The following SRP72 variants were observed in gnomAD, a reference collection of about 807,000 sequenced individuals.
SRP72 encodes signal recognition particle 72.
In SRP72, 49 loss-of-function variants were observed where a neutral mutation model predicts 96.3. The ratio of observed to expected loss-of-function variants is 0.51; its 90% CI spans 0.40 to 0.65. SRP72 has a LOEUF of 0.65. Ranked by LOEUF, SRP72 falls within the 30% of genes least tolerant of loss-of-function variation. SRP72 has a pLI of 0.00. For synonymous variants in SRP72, 267 were observed against 275.2 expected (o/e 0.97, Z 0.30); for missense variants, 736 against 793.3 (o/e 0.93, Z 0.87).
intron 18 of SRP72, 65 bp from the exon 19 acceptor site, chr4:56,501,619 C>A: frequency 7.0e-7 from 1 of 1,423,526 alleles, no homozygotes; most frequent in Non-Finnish European, 9.7e-7. Context: ...AACCCATGTA[C>A]ATACATTTTT....
At chr4:56,482,769 A>G (rs1449435380) in intron 8 of SRP72, among the ~76,000 whole-genome samples, 1 of 152,134 alleles carries the variant, frequency 6.6e-6, no homozygotes, top group African/African-American at 2.4e-5. Flanking sequence ...TTTTCCTTCA[A>G]AAAGCTCAAA....
At chr4:56,478,292 T>G in intron 6 of SRP72, 87 bp from the exon 7 acceptor site, 1 of 1,356,432 alleles carries the variant, frequency 7.4e-7, no homozygotes, top group South Asian at 1.7e-5. Flanking sequence ...TCTTCAGGAT[T>G]GTATCTCTTT....
intron 15 of SRP72, 128 bp downstream of exon 15, chr4:56,490,773 AAC>A: frequency 1.3e-6 from 1 of 746,304 alleles, no homozygotes; most frequent in East Asian, 2.9e-5. Flanking sequence ...TAACTAGTAA[AAC>A]CAAAAAATGA....
chr4:56,485,400 C>CCAAAAAAA (rs766330733), intron 10 of SRP72, among the ~76,000 whole-genome samples: 1 of 92,408 alleles, frequency 1.1e-5, no homozygotes, highest in Non-Finnish European at 2.5e-5. Flanking sequence ...CTCCCCACAG[C>CCAAAAAAA]AAAAAAAAAA....
intron 3 of SRP72, among the ~76,000 whole-genome samples, chr4:56,473,800 T>A (rs1422459488): frequency 6.6e-6 from 1 of 152,024 alleles, no homozygotes; most frequent in African/African-American, 2.4e-5. Flanking sequence ...AGAAAATGAC[T>A]TTTCTCAACT....
rs774493521 is a variant in SRP72, at chr4:56,472,534, A to T, written c.354+691A>T. ...CTAATTTTTATATTTTTTAGTAGAGATGGGGTTATGCCATGTTGCCTAGGC... is the reference window on the plus strand; with the variant it reads ...CTAATTTTTATATTTTTTAGTAGAGTTGGGGTTATGCCATGTTGCCTAGGC... On this transcript the variant is annotated intron_variant, in intron 3 of 18. Transcript: ENST00000642900. Among the ~76,000 whole-genome samples the T allele has an allele frequency of 8.6e-5, 13 of 151,786 alleles. No individual in the cohort carries two copies. The South Asian group carries it at 1.7e-3, about 19-fold the overall frequency.
chr4:56,494,358 G>T (rs559448071), intron 16 of SRP72, among the ~76,000 whole-genome samples: 7 of 151,596 alleles, frequency 4.6e-5, no homozygotes, highest in African/African-American at 1.7e-4. Flanking sequence ...AGAATATATA[G>T]AGAGATGTAT....
rs1721328523 is a variant in SRP72 at position 56,503,241 on chromosome 4, GT to G, written c.*1381del. The G allele has an allele frequency of 6.6e-6, 1 of 152,112 alleles. No homozygotes were observed. Among genetic ancestry groups the G allele is most frequent in the Non-Finnish European group, 1.5e-5 (1 of 68,002 alleles). 9.4% of individuals were successfully genotyped at this position (152,112 alleles called of 1,614,324 possible). ...CTTTTTTAAATAAAAATTATGTATTGTGGCATAATCCTTTTTTTGAGCTCTA... is the reference window on the plus strand; with the variant it reads ...CTTTTTTAAATAAAAATTATGTATTGGGCATAATCCTTTTTTTGAGCTCTA... On this transcript the variant is annotated 3_prime_UTR_variant, in exon 19 of 19. Coordinates refer to ENST00000642900, the MANE Select transcript of SRP72 (RefSeq NM_006947.4).
intron 17 of SRP72, among the ~76,000 whole-genome samples, chr4:56,496,733 A>G (rs745900160): frequency 3.3e-5 from 5 of 152,168 alleles, no homozygotes; most frequent in Non-Finnish European, 5.9e-5. Context: ...CACGCCTGTA[A>G]TCCCAGCACT....
rs1363383570 is a variant in SRP72 at position 56,502,530 on chromosome 4, A to G, written c.*669A>G. On this transcript the variant is annotated 3_prime_UTR_variant, in exon 19 of 19. Transcript: ENST00000642900. ...ATATATATAAACATGAAATATATAT[A>G]TATGGCTCCTTTGTGCCCCATGTCA... The G allele has an allele frequency of 6.8e-6, 1 of 146,988 alleles. No individual in the cohort carries two copies. Among genetic ancestry groups the G allele is most frequent in the African/African-American group, 2.5e-5 (1 of 40,156 alleles). 9.1% of individuals were successfully genotyped at this position (146,988 alleles called of 1,614,324 possible).
chr4:56,484,703 T>G, intron 9 of SRP72, 33 bp from the exon 10 acceptor site: 1 of 1,610,554 alleles, frequency 6.2e-7, no homozygotes, highest in Non-Finnish European at 8.5e-7. Flanking sequence ...ATTAACCAGT[T>G]TATTTTTCTT....
chr4:56,488,795 AT>A (rs1382336102), intron 12 of SRP72, among the ~76,000 whole-genome samples: 1 of 151,802 alleles, frequency 6.6e-6, no homozygotes, highest in Non-Finnish European at 1.5e-5. Flanking sequence ...TTATTCATGT[AT>A]TTTTTTCTTT....
At chr4:56,467,972 T>C (rs1015460473) in intron 1 of SRP72, among the ~76,000 whole-genome samples, 20 of 152,214 alleles carry the variant, frequency 1.3e-4, no homozygotes, top group African/African-American at 4.6e-4. Flanking sequence ...CCACGTGTAC[T>C]TCTCTTTTTA....
At chr4:56,472,895 T>A (rs1720035395) in intron 3 of SRP72, among the ~76,000 whole-genome samples, 1 of 152,164 alleles carries the variant, frequency 6.6e-6, no homozygotes, top group Non-Finnish European at 1.5e-5. Context: ...GAGTGGCAGT[T>A]GTTGTTCTTT....
intron 17 of SRP72, among the ~76,000 whole-genome samples, chr4:56,498,595 G>C (rs1201757433): frequency 6.6e-6 from 1 of 152,150 alleles, no homozygotes; most frequent in Non-Finnish European, 1.5e-5. Context: ...AAATCAATGT[G>C]CAAAAATCAC....
At chr4:56,484,051 T>TTTTTTTTTTTTTTTTTC (rs1560682047) in intron 9 of SRP72, among the ~76,000 whole-genome samples, 51 of 142,792 alleles carry the variant, frequency 3.6e-4, no homozygotes, top group African/African-American at 1.3e-3. Context: ...TTTTTTTTTT[T>TTTTTTTTTTTTTTTTTC]GAGATGGAGT....
intron 12 of SRP72, 122 bp downstream of exon 12, chr4:56,488,135 A>G (rs369524966): frequency 1.3e-4 from 80 of 623,230 alleles, no homozygotes; most frequent in East Asian, 1.0e-3. Flanking sequence ...AGTAATTATA[A>G]TAGTAATAGT....
intron 16 of SRP72, among the ~76,000 whole-genome samples, chr4:56,492,204 C>T (rs190416066): frequency 6.6e-5 from 10 of 152,322 alleles, no homozygotes; most frequent in Admixed American, 2.0e-4. Flanking sequence ...GATCTTTCCA[C>T]GTACTAAAAT....
At chr4:56,473,225 C>T (rs900960313) in intron 3 of SRP72, among the ~76,000 whole-genome samples, 2 of 151,904 alleles carry the variant, frequency 1.3e-5, no homozygotes, top group African/African-American at 4.8e-5. Flanking sequence ...TTGGGGAGGC[C>T]AAGGCGGGCG....
Sources: gnomAD v4.1 joint callset for allele counts (sites outside exome capture counted in the v4.1 genomes callset) on GRCh38, gnomAD v4.1.1 for gene constraint, MANE v1.5 for transcripts, NCBI Gene and HGNC (gene_info 2026-07-23, HGNC 2026-07-21) for gene names.